The following MAST3 variants were observed in gnomAD, a reference collection of about 807,000 sequenced individuals.
MAST3 encodes the protein microtubule associated serine/threonine kinase 3, also known as microtubule-associated serine/threonine-protein kinase 3.
Under a neutral mutation model 127.0 loss-of-function variants are expected in MAST3, and 43 were observed. That is an observed-to-expected ratio of 0.34 (90% CI 0.27 to 0.44). The LOEUF (loss-of-function observed/expected upper bound fraction) is 0.44, where lower values mean the gene tolerates loss of function less well. Ranked by LOEUF, MAST3 falls within the 20% of genes least tolerant of loss-of-function variation. MAST3 has a pLI of 1.00. For synonymous variants in MAST3, 785 were observed against 809.2 expected (o/e 0.97, Z 0.51); for missense variants, 1,390 against 1,919.1 (o/e 0.72, Z 5.15).
intron 15 of MAST3, 72 bp from the exon 16 acceptor site, chr19:18,134,507 A>G: frequency 1.3e-6 from 2 of 1,511,894 alleles, no homozygotes; most frequent in South Asian, 1.3e-5. Context: ...GGCGGAGCCA[A>G]GGTCTAGGGC....
chr19:18,133,466 G>A (rs1312548155), intron 15 of MAST3, among the ~76,000 whole-genome samples: 2 of 151,656 alleles, frequency 1.3e-5, no homozygotes, highest in South Asian at 2.1e-4. Context: ...TGCAACCTCC[G>A]CCTACCGGGT....
rs1197803523 is a variant in MAST3, at chr19:18,123,320, T to C, written c.503T>C (p.Leu168Pro). The change falls in exon 7 of 28, where the codon CTT (leucine) becomes CCT (proline). Residue 168 changes from leucine (L) to proline (P), a missense_variant. Physicochemically the swap from Leu to Pro is moderately conservative, Grantham distance 98. Coordinates refer to ENST00000687212, the MANE Select transcript of MAST3 (RefSeq NM_001393504.1). ...CACTTCCGCAGCTCAGAGAATGTGC[T>C]TGATGAGGAAGGCGGCCGGTCACCC... The part of the protein sequence containing the change: ...SKHFRSSENV[L>P]DEEGGRSPRL... 4 of 1,613,750 alleles carry C rather than the reference T, an allele frequency of 2.5e-6. No homozygotes were observed. The Admixed American group carries it at 5.0e-5, about 20-fold the overall frequency.
At chr19:18,135,050 C>T (rs2041746979) in intron 17 of MAST3, 68 bp downstream of exon 17, 1 of 1,507,032 alleles carries the variant, frequency 6.6e-7, no homozygotes, top group Non-Finnish European at 9.0e-7. Flanking sequence ...CGGTCCTCCA[C>T]CCGCATGTCA....
chr19:18,121,180 G>A (rs559528397), intron 3 of MAST3, among the ~76,000 whole-genome samples: 1 of 152,042 alleles, frequency 6.6e-6, no homozygotes, highest in Non-Finnish European at 1.5e-5. Context: ...TTAAGAGAGA[G>A]GGCCTTGTGC....
At chr19:18,102,574 G>A (rs11670228) in intron 1 of MAST3, among the ~76,000 whole-genome samples, 2,168 of 150,268 alleles carry the variant, frequency 0.014, 46 homozygotes, top group African/African-American at 0.05. Flanking sequence ...CTCCGCCTCC[G>A]GGGTTCAAGG....
chr19:18,123,928 G>T lies in MAST3; in HGVS notation c.634-11G>T, dbSNP rs1456657998. On this transcript the variant is annotated splice_polypyrimidine_tract_variant and intron_variant, in intron 8 of 27. Coordinates refer to ENST00000687212, the MANE Select transcript of MAST3 (RefSeq NM_001393504.1). ...CCCTCTGACCAGGTCGCCCCGTCTC[G>T]CCCCACCCAGGCCACAGCACAGATG... 1.3e-6 allele frequency: 2 copies of T among 1,550,450 alleles called. No homozygotes were observed. The highest frequency in any genetic ancestry group is 1.9e-5 in the Admixed American group (1 of 52,694).
At chr19:18,130,036 G>C (rs893343143) in intron 13 of MAST3, among the ~76,000 whole-genome samples, 2 of 152,022 alleles carry the variant, frequency 1.3e-5, no homozygotes, top group Non-Finnish European at 2.9e-5. Context: ...GGTCACTTGA[G>C]GCCAGGAGTT....
intron 2 of MAST3, chr19:18,109,892 G>A: frequency 4.2e-6 from 4 of 959,168 alleles, no homozygotes; most frequent in Non-Finnish European, 5.0e-6. Context: ...AGAGCCCCAG[G>A]GCCGGGGCGA....
intron 20 of MAST3, among the ~76,000 whole-genome samples, chr19:18,141,394 A>C (rs2042467537): frequency 6.6e-4 from 1 of 1,520 alleles, no homozygotes; most frequent in East Asian, 0.012. Flanking sequence ...TTTTTTTGAA[A>C]CAGAGTCTCG....
rs1349165299 is a variant in MAST3 at position 18,134,591 on chromosome 19, C to T, written c.1584C>T (p.Thr528=). The T allele has an allele frequency of 5.0e-6, 8 of 1,611,856 alleles. No homozygotes were observed. The African/African-American group carries it at 8.0e-5, about 16-fold the overall frequency. The change falls in exon 16 of 28, where the codon ACC becomes ACT. Residue 528 remains threonine (T), a synonymous_variant. Transcript: ENST00000687212. ...RDLKPDNLLI[T]SLGHIKLTDF... ...AACCTGCCCACAGTCTGCTCATCAC[C>T]TCGCTTGGCCACATCAAGCTCACGG... is the stretch of plus-strand genomic sequence containing the variant.
intron 8 of MAST3, 89 bp downstream of exon 8, chr19:18,123,744 C>G (rs1221364249): frequency 1.8e-5 from 22 of 1,193,518 alleles, no homozygotes; most frequent in Non-Finnish European, 2.5e-5. Context: ...GGCTATGTCC[C>G]CTTTGCCAGT....
At chr19:18,101,435 T>A (rs1014389796) in intron 1 of MAST3, among the ~76,000 whole-genome samples, 3 of 150,410 alleles carry the variant, frequency 2.0e-5, no homozygotes, top group African/African-American at 7.3e-5. Flanking sequence ...CTGACTTCTC[T>A]CCCATTTAAT....
At position 18,124,710 on chromosome 19, in the gene MAST3, C is replaced by A; in HGVS notation, c.1014C>A (p.Gly338=). The A allele has an allele frequency of 6.2e-7, 1 of 1,612,098 alleles. No homozygotes were observed. Among genetic ancestry groups the A allele is most frequent in the Non-Finnish European group, 8.5e-7 (1 of 1,179,202 alleles). ...AGGGCCATGCGCGGGAGGGCCAAGGCATTAAGACTGACCTTCCACAGTACA... is the reference window on the plus strand; with the variant it reads ...AGGGCCATGCGCGGGAGGGCCAAGGAATTAAGACTGACCTTCCACAGTACA... ...AAEGHAREGQ[G]IKTDLPQYII... is the part of the protein sequence containing the mutation. Residue 338 remains glycine (G), a synonymous_variant, in exon 11 of 28, where the codon GGC becomes GGA. Coordinates refer to ENST00000687212, the MANE Select transcript of MAST3 (RefSeq NM_001393504.1).
At chr19:18,098,260 C>T (rs984046456) in intron 1 of MAST3, among the ~76,000 whole-genome samples, 2 of 152,182 alleles carry the variant, frequency 1.3e-5, no homozygotes, top group Non-Finnish European at 2.9e-5. Flanking sequence ...CTCAGCTCAG[C>T]CCTACGACGA....
In MAST3 at chr19:18,134,687, C is replaced by A; in HGVS notation, c.1680C>A (p.Asp560Glu). 1 of 1,613,776 alleles carries A rather than the reference C, an allele frequency of 6.2e-7. No individual in the cohort carries two copies. Among genetic ancestry groups the A allele is most frequent in the Non-Finnish European group, 8.5e-7 (1 of 1,179,832 alleles). Residue 560 changes from aspartate to glutamate, a missense_variant, in exon 16 of 28, where the codon GAC (aspartate) becomes GAA (glutamate). By Grantham distance (45) the Asp-to-Glu change is conservative (BLOSUM62 2). Transcript: ENST00000687212. ...TNLYEGHIEK[D>E]AREFIDKQVC... Reference sequence around the variant, plus strand: ...TCTATGAGGGCCACATCGAGAAGGACGCCCGAGAGTTCATCGACAAGCAGG... The same window carrying A: ...TCTATGAGGGCCACATCGAGAAGGAAGCCCGAGAGTTCATCGACAAGCAGG...
rs777485713 is a variant in MAST3, at chr19:18,147,627, G to A, written c.3508+3G>A. Reference sequence around the variant, plus strand: ...CCCAGCCCCTGATGTCCCAGCAGGTGGGTGCACCCCGACCCCCCACCACCC... The same window carrying A: ...CCCAGCCCCTGATGTCCCAGCAGGTAGGTGCACCCCGACCCCCCACCACCC... On this transcript the variant is annotated splice_donor_region_variant and intron_variant, in intron 27 of 27. Transcript: ENST00000687212. 1 of 1,536,072 alleles carries A rather than the reference G, an allele frequency of 6.5e-7. No homozygotes were observed. The highest frequency in any genetic ancestry group is 1.8e-4 in the Middle Eastern group (1 of 5,622).
At position 18,149,951 on chromosome 19, in the gene MAST3, C is replaced by A; in HGVS notation, c.*225C>A. The A allele has an allele frequency of 6.2e-6, 3 of 485,074 alleles. No homozygotes were observed. Among genetic ancestry groups the A allele is most frequent in the South Asian group, 6.3e-5 (2 of 31,750 alleles). The allele number at this position is 485,074 out of a possible 1,614,324, so 30.0% of individuals were successfully genotyped here. ...ACAAGGGTGGCTTTGTAAATAGCAG[C>A]AAATCCCTGCAACTAATTTATTACT... On this transcript the variant is annotated 3_prime_UTR_variant, in exon 28 of 28. Transcript: ENST00000687212. This position sits in a 1 kb window ranked among gnomAD's most constrained non-coding sequence, Gnocchi z 5.9.
At chr19:18,113,240 A>C (rs2038849484) in intron 3 of MAST3, among the ~76,000 whole-genome samples, 1 of 151,658 alleles carries the variant, frequency 6.6e-6, no homozygotes, top group African/African-American at 2.4e-5. Context: ...GCATCCTAGG[A>C]ATAAGCTCAT....
chr19:18,123,516 C>T lies in MAST3; in HGVS notation c.558-64C>T, dbSNP rs2040237616. ...TGTCCCTCAACCCTGGCTCAGATCCCCCAACATCCTCCCCTGGGGTTGGTC... is the reference window on the plus strand; with the variant it reads ...TGTCCCTCAACCCTGGCTCAGATCCTCCAACATCCTCCCCTGGGGTTGGTC... On this transcript the variant is annotated intron_variant, in intron 7 of 27. Transcript: ENST00000687212. 7 of 1,474,170 alleles carry T rather than the reference C, an allele frequency of 4.7e-6. No individual in the cohort carries two copies. The African/African-American group carries it at 5.6e-5, about 12-fold the overall frequency. The allele number at this position is 1,474,170 out of a possible 1,614,324, so 91.3% of individuals were successfully genotyped here.
Sources: allele counts gnomAD v4.1 joint callset (sites outside exome capture counted in the v4.1 genomes callset), GRCh38; gene constraint gnomAD v4.1.1; non-coding constraint Gnocchi (gnomAD v3.1); transcripts MANE v1.5; gene names NCBI Gene and HGNC (gene_info 2026-07-23, HGNC 2026-07-21).